Variants in DNAH5 observed in about 807,000 individuals in gnomAD.
The protein encoded by DNAH5 is dynein axonemal heavy chain 5.
In DNAH5, 372 loss-of-function variants were observed where a neutral mutation model predicts 518.2. The observed-to-expected ratio is 0.72, with a 90% confidence interval of 0.66 to 0.78. DNAH5 has a LOEUF of 0.78. Ranked by LOEUF, DNAH5 falls within the 30% of genes least tolerant of loss-of-function variation. The pLI, the probability that DNAH5 is intolerant of heterozygous loss-of-function variation, is 0.00. For synonymous variants in DNAH5, 2,039 were observed against 2,025.9 expected (o/e 1.01, Z -0.17); for missense variants, 5,523 against 5,687.0 (o/e 0.97, Z 0.93).
intron 52 of DNAH5, among the ~76,000 whole-genome samples, chr5:13,785,091 G>A (rs923072785): frequency 2.0e-5 from 3 of 151,772 alleles, no homozygotes; most frequent in Non-Finnish European, 4.4e-5. Flanking sequence ...TATATAGCTC[G>A]CCATAATGTA....
At chr5:13,745,446 T>A (rs1749204138) in intron 65 of DNAH5, among the ~76,000 whole-genome samples, 2 of 152,096 alleles carry the variant, frequency 1.3e-5, no homozygotes, top group African/African-American at 2.4e-5. Flanking sequence ...CTTCCTTGCA[T>A]CCATACGCTC....
chr5:13,862,487 A>T, intron 29 of DNAH5, 61 bp downstream of exon 29: 1 of 1,514,928 alleles, frequency 6.6e-7, no homozygotes, highest in Admixed American at 1.7e-5. Flanking sequence ...TTTTTCATTA[A>T]TTTTAAATGT....
At chr5:13,946,339 C>G (rs538990174), upstream of DNAH5, among the ~76,000 whole-genome samples, 3 of 152,242 alleles carry the variant, frequency 2.0e-5, no homozygotes, top group South Asian at 6.2e-4. Context: ...TCACAGCAAA[C>G]CGGGAAGCCT....
chr5:13,754,552 TG>T (rs1750715293), intron 61 of DNAH5, among the ~76,000 whole-genome samples: 1 of 152,086 alleles, frequency 6.6e-6, no homozygotes, highest in Non-Finnish European at 1.5e-5. Context: ...CCATGGAACT[TG>T]GCTGGATAGA....
At chr5:13,789,984 T>C (rs1226962124) in intron 50 of DNAH5, among the ~76,000 whole-genome samples, 1 of 152,012 alleles carries the variant, frequency 6.6e-6, no homozygotes, top group African/African-American at 2.4e-5. Flanking sequence ...GAAATGCAAA[T>C]CAAAACTGCA....
intron 47 of DNAH5, among the ~76,000 whole-genome samples, chr5:13,804,012 T>G (rs1378042403): frequency 6.6e-6 from 1 of 152,172 alleles, no homozygotes; most frequent in Non-Finnish European, 1.5e-5. Context: ...TTTCAGAAAT[T>G]ATCTTAATTT....
rs1471304675 is a variant in DNAH5 at position 13,810,246 on chromosome 5, C to G, written c.7422G>C (p.Glu2474Asp). ...GLIPLKEQGG[E>D]VSQAHLGRLF... ...GCCGCCCCAGGTGAGCCTGGCTCAC[C>G]TCCCCGCCTTGCTCCTGAGAAGGAA... Residue 2474 changes from glutamate (E) to aspartate (D), a missense_variant, in exon 45 of 79, where the codon GAG (glutamate) becomes GAC (aspartate). Physicochemically the swap from Glu to Asp is conservative, Grantham distance 45. Transcript: ENST00000265104. 6.4e-7 allele frequency: 1 copy of G among 1,550,574 alleles called. No individual in the cohort carries two copies. Among genetic ancestry groups the G allele is most frequent in the Non-Finnish European group, 8.7e-7 (1 of 1,146,898 alleles).
intron 65 of DNAH5, among the ~76,000 whole-genome samples, chr5:13,739,610 A>G (rs1200524192): frequency 2.0e-5 from 3 of 152,164 alleles, no homozygotes; most frequent in Non-Finnish European, 4.4e-5. Context: ...ATCTAGAGTG[A>G]GGCAGTGATG....
upstream of DNAH5, among the ~76,000 whole-genome samples, chr5:13,945,341 A>G (rs1376205011): frequency 1.3e-5 from 2 of 152,164 alleles, no homozygotes; most frequent in Non-Finnish European, 2.9e-5. Flanking sequence ...CAGTCCAGCA[A>G]CTCAAATCCT....
chr5:13,930,682 G>A (rs1321605391), intron 2 of DNAH5, among the ~76,000 whole-genome samples: 2 of 152,262 alleles, frequency 1.3e-5, no homozygotes, highest in East Asian at 3.9e-4. Flanking sequence ...AAGCAGGTTA[G>A]GAACAAAAGA....
At chr5:13,910,870 G>A (rs1197648027) in intron 12 of DNAH5, among the ~76,000 whole-genome samples, 2 of 152,198 alleles carry the variant, frequency 1.3e-5, no homozygotes, top group African/African-American at 4.8e-5. Context: ...GAGCTGCAAG[G>A]CAAGATGGCT....
intron 76 of DNAH5, among the ~76,000 whole-genome samples, chr5:13,705,790 G>A (rs1272029703): frequency 6.6e-6 from 1 of 151,928 alleles, no homozygotes; most frequent in Non-Finnish European, 1.5e-5. Context: ...GATGTGCATA[G>A]AGGGAAGATG....
chr5:13,987,526 C>A (rs888929193), intron 1 of DNAH5, among the ~76,000 whole-genome samples: 2 of 152,148 alleles, frequency 1.3e-5, no homozygotes, highest in Non-Finnish European at 2.9e-5. Flanking sequence ...GGCCTCACCA[C>A]CTCTCAAATA....
chr5:13,859,355 C>T, intron 30 of DNAH5, 97 bp downstream of exon 30: 2 of 1,300,948 alleles, frequency 1.5e-6, no homozygotes, highest in Non-Finnish European at 2.2e-6. Context: ...GAAGGGGGTT[C>T]AATAGAAGTG....
At chr5:13,997,583 A>G (rs1410000740) in intron 1 of DNAH5, among the ~76,000 whole-genome samples, 1 of 152,142 alleles carries the variant, frequency 6.6e-6, no homozygotes, top group Non-Finnish European at 1.5e-5. Context: ...GGCTTTCTCT[A>G]CAGCTCTCCT....
rs2126900953 is a variant in DNAH5 at position 13,792,165 on chromosome 5, C to G, written c.8277G>C (p.Val2759=). ...YCTQRGFSEE[V]RDSVTKLVPL... is the part of the protein sequence containing the mutation. ...GCACCAATTTTGTCACAGAATCTCT[C>G]ACTTCTTCTGAGAAACCCCTCTGAG... Residue 2759 remains valine (V), a synonymous_variant, in exon 50 of 79, where the codon GTG becomes GTC. Transcript: ENST00000265104. The G allele has an allele frequency of 6.2e-7, 1 of 1,614,020 alleles. No individual in the cohort carries two copies. Among genetic ancestry groups the G allele is most frequent in the Non-Finnish European group, 8.5e-7 (1 of 1,179,940 alleles).
At chr5:13,803,099 T>G (rs2126969916) in intron 47 of DNAH5, among the ~76,000 whole-genome samples, 1 of 152,318 alleles carries the variant, frequency 6.6e-6, no homozygotes, top group Middle Eastern at 3.4e-3. Flanking sequence ...TTTTATTATT[T>G]CTATGTGTAG....
chr5:13,916,251 A>G, intron 9 of DNAH5, 97 bp downstream of exon 9: 1 of 697,038 alleles, frequency 1.4e-6, no homozygotes, highest in Non-Finnish European at 2.6e-6. Flanking sequence ...AGATACATAC[A>G]TATTGAACTG....
chr5:13,787,370 C>T (rs531649142), intron 51 of DNAH5, among the ~76,000 whole-genome samples: 12 of 152,076 alleles, frequency 7.9e-5, no homozygotes, highest in Non-Finnish European at 1.5e-4. Context: ...TCTTTCTAAC[C>T]TTATAGTACA....
Sources: gnomAD v4.1 joint callset for allele counts (sites outside exome capture counted in the v4.1 genomes callset) on GRCh38, gnomAD v4.1.1 for gene constraint, MANE v1.5 for transcripts, NCBI Gene and HGNC (gene_info 2026-07-23, HGNC 2026-07-21) for gene names.